The following OSBPL8 variants were observed in gnomAD, a reference collection of about 807,000 sequenced individuals.
OSBPL8 encodes oxysterol binding protein like 8, also known as oxysterol-binding protein-related protein 8.
In OSBPL8, 59 loss-of-function variants were observed where a neutral mutation model predicts 125.5. The ratio of observed to expected loss-of-function variants is 0.47; its 90% CI spans 0.38 to 0.58. OSBPL8 has a LOEUF of 0.58. OSBPL8 is among the 20% of genes least tolerant of loss of function. The pLI is 0.00. For missense variants in OSBPL8, 758 were observed against 1,047.8 expected, an observed-to-expected ratio of 0.72 and a Z score of 3.82; for synonymous variants, 330 against 338.9, an observed-to-expected ratio of 0.97 and a Z score of 0.29.
intron 1 of OSBPL8, among the ~76,000 whole-genome samples, chr12:76,518,312 T>C (rs1881747651): frequency 1.3e-5 from 2 of 152,202 alleles, no homozygotes; most frequent in African/African-American, 4.8e-5. Context: ...TGACTTCATG[T>C]CCAGCAACCT....
At chr12:76,450,494 T>C (rs1014566626) in intron 4 of OSBPL8, among the ~76,000 whole-genome samples, 2 of 152,024 alleles carry the variant, frequency 1.3e-5, no homozygotes, top group Non-Finnish European at 2.9e-5. Context: ...CTAGTTTTAA[T>C]TTATAATATA....
intron 5 of OSBPL8, among the ~76,000 whole-genome samples, chr12:76,407,169 A>G (rs1954296437): frequency 6.6e-6 from 1 of 152,228 alleles, no homozygotes; most frequent in African/African-American, 2.4e-5. Context: ...TCAGAATTCC[A>G]CAAGTATGAG....
intron 1 of OSBPL8, among the ~76,000 whole-genome samples, chr12:76,526,635 C>CTTT (rs573409160): frequency 0.011 from 679 of 64,310 alleles, 61 homozygotes; most frequent in East Asian, 0.021. Context: ...CAGTAAATCT[C>CTTT]TTTTTTTTTT....
Position 76,418,134 on chromosome 12 carries a change from T to G in OSBPL8, c.218-7500A>C, listed in dbSNP as rs142714189. On this transcript the variant is annotated intron_variant, in intron 4 of 23. Coordinates refer to ENST00000261183, the MANE Select transcript of OSBPL8 (RefSeq NM_020841.5). ...GGGTTCAAGCAATTAGCCTCCCGAG[T>G]AGCTGGGATTATAGGCACACACCAC... Among the ~76,000 whole-genome samples, 698 of 149,516 alleles carry G rather than the reference T, an allele frequency of 4.7e-3. 2 individuals carry two copies. The highest frequency in any genetic ancestry group is 0.017 in the South Asian group (81 of 4,704).
At chr12:76,356,523 T>C in intron 23 of OSBPL8, 103 bp downstream of exon 23, 1 of 701,952 alleles carries the variant, frequency 1.4e-6, no homozygotes, top group Non-Finnish European at 2.3e-6. Context: ...TTAGCTTAGC[T>C]AAATGTTATA....
At chr12:76,421,663 A>G (rs547204215) in intron 4 of OSBPL8, among the ~76,000 whole-genome samples, 2 of 152,072 alleles carry the variant, frequency 1.3e-5, no homozygotes, top group African/African-American at 4.8e-5. Flanking sequence ...GTTTCAGTCA[A>G]TATTTCTTTG....
intron 2 of OSBPL8, among the ~76,000 whole-genome samples, chr12:76,465,332 G>A (rs537429619): frequency 6.6e-6 from 1 of 151,908 alleles, no homozygotes; most frequent in Non-Finnish European, 1.5e-5. Context: ...AGGCTGAGGC[G>A]GGCAGTTCAC....
intron 23 of OSBPL8, 34 bp downstream of exon 23, chr12:76,356,592 C>A: frequency 7.4e-7 from 1 of 1,354,384 alleles, no homozygotes. Flanking sequence ...ACTCCTTGGT[C>A]TCAAATGAAT....
At position 76,369,657 on chromosome 12, in the gene OSBPL8, T is replaced by C. The variant is rs772175163; in HGVS notation, c.2220A>G (p.Glu740=). 6.2e-7 allele frequency: 1 copy of C among 1,613,514 alleles called. No homozygotes were observed. Among genetic ancestry groups the C allele is most frequent in the South Asian group, 1.1e-5 (1 of 91,048 alleles). The part of the protein sequence containing the change: ...KLFELDPLTG[E]WHYKFADTRP... ...CTTACTCTGCAAACTTGTAATGCCATTCTCCTGTGAGTGGATCAAGTTCAA... is the reference window on the plus strand; with the variant it reads ...CTTACTCTGCAAACTTGTAATGCCACTCTCCTGTGAGTGGATCAAGTTCAA... Residue 740 remains glutamate, a synonymous_variant, in exon 20 of 24, where the codon GAA becomes GAG. Transcript: ENST00000261183.
chr12:76,367,599 A>G (rs1258488586), intron 21 of OSBPL8, among the ~76,000 whole-genome samples: 1 of 151,972 alleles, frequency 6.6e-6, no homozygotes, highest in African/African-American at 2.4e-5. Flanking sequence ...TGATTTTGCT[A>G]TTTTCTATAC....
chr12:76,511,213 A>G (rs1038819087), intron 1 of OSBPL8, among the ~76,000 whole-genome samples: 9 of 152,180 alleles, frequency 5.9e-5, no homozygotes, highest in Admixed American at 1.3e-4. Context: ...TTTCACATGC[A>G]TGTGTCTTTA....
rs568630575 is a variant in OSBPL8 at position 76,427,032 on chromosome 12, C to T, written c.218-16398G>A. ...TATTTAGAAATTCAAATAAGAAGGC[C>T]ATCTTTCCTACTTCATCTGAATGGT... On this transcript the variant is annotated intron_variant, in intron 4 of 23. Coordinates refer to ENST00000261183, the MANE Select transcript of OSBPL8 (RefSeq NM_020841.5). 2.0e-5 allele frequency among the ~76,000 whole-genome samples: 3 copies of T among 152,122 alleles called. No individual in the cohort carries two copies. In the South Asian group the frequency reaches 6.2e-4, roughly 32 times the overall value.
At chr12:76,438,439 G>A (rs1418736504) in intron 4 of OSBPL8, among the ~76,000 whole-genome samples, 1 of 151,862 alleles carries the variant, frequency 6.6e-6, no homozygotes, top group Non-Finnish European at 1.5e-5. Flanking sequence ...AAGTAGCTGA[G>A]ACTACAGGTG....
In OSBPL8 at chr12:76,522,655, C is replaced by T. The variant is rs543490066; in HGVS notation, c.-67-35037G>A. Among the ~76,000 whole-genome samples the T allele has an allele frequency of 1.4e-3, 219 of 152,106 alleles. 1 individual carries two copies. The highest frequency in any genetic ancestry group is 5.1e-3 in the African/African-American group (212 of 41,378). On this transcript the variant is annotated intron_variant, in intron 1 of 23. Transcript: ENST00000261183. ...TGTTCTGATGTGGCACCAAAGTTCTCACCAGAAGCTGAGCAGATGTCAATG... is the reference window on the plus strand; with the variant it reads ...TGTTCTGATGTGGCACCAAAGTTCTTACCAGAAGCTGAGCAGATGTCAATG...
chr12:76,549,865 CT>C (rs946348360), intron 1 of OSBPL8, among the ~76,000 whole-genome samples: 3 of 151,802 alleles, frequency 2.0e-5, no homozygotes, highest in African/African-American at 7.3e-5. Context: ...CTCATACATA[CT>C]TCTTTTTCAA....
At chr12:76,475,127 T>G (rs917045061) in intron 2 of OSBPL8, among the ~76,000 whole-genome samples, 6 of 152,114 alleles carry the variant, frequency 3.9e-5, no homozygotes. Flanking sequence ...TCCCATGAAT[T>G]TTTTTTATTT....
chr12:76,478,915 C>T (rs1371253207), intron 2 of OSBPL8, among the ~76,000 whole-genome samples: 5 of 152,100 alleles, frequency 3.3e-5, no homozygotes, highest in Non-Finnish European at 5.9e-5. Flanking sequence ...GAAACTCCGT[C>T]TCTACTAAAA....
intron 4 of OSBPL8, among the ~76,000 whole-genome samples, chr12:76,411,877 G>T (rs1954527844): frequency 1.3e-5 from 2 of 152,156 alleles, no homozygotes; most frequent in South Asian, 4.2e-4. Flanking sequence ...CACCATCCAG[G>T]TACAGGTGAA....
chr12:76,420,138 AAAATG>A (rs1869280740), intron 4 of OSBPL8, among the ~76,000 whole-genome samples: 1 of 152,176 alleles, frequency 6.6e-6, no homozygotes, highest in South Asian at 2.1e-4. Flanking sequence ...CAGTCTTATT[AAAATG>A]AAATTACATA....
Sources: allele counts gnomAD v4.1 joint callset (sites outside exome capture counted in the v4.1 genomes callset), GRCh38; gene constraint gnomAD v4.1.1; transcripts MANE v1.5; gene names NCBI Gene and HGNC (gene_info 2026-07-23, HGNC 2026-07-21).